Variants in SPOP observed in about 807,000 individuals in gnomAD.
SPOP encodes speckle type BTB/POZ protein, also known as speckle-type POZ protein.
SPOP carries 11 observed loss-of-function variants against 45.6 expected under a neutral mutation model. The ratio of observed to expected loss-of-function variants is 0.24; its 90% CI spans 0.15 to 0.40. SPOP has a LOEUF of 0.40. Among genes scored for constraint, SPOP ranks in the 10% least tolerant of loss-of-function variants. SPOP has a pLI of 1.00. For synonymous variants in SPOP, 166 were observed against 166.3 expected, an observed-to-expected ratio of 1.00 and a Z score of 0.01; for missense variants, 152 against 465.6, an observed-to-expected ratio of 0.33 and a Z score of 6.20.
At chr17:49,657,521 C>G (rs1462534739) in intron 1 of SPOP, among the ~76,000 whole-genome samples, 1 of 151,284 alleles carries the variant, frequency 6.6e-6, no homozygotes, top group Non-Finnish European at 1.5e-5. Flanking sequence ...GCCTCGGCCT[C>G]TCGAGTAGCT....
chr17:49,637,896 C>T (rs2072572561), intron 1 of SPOP, among the ~76,000 whole-genome samples: 1 of 152,226 alleles, frequency 6.6e-6, no homozygotes, highest in African/African-American at 2.4e-5. Context: ...GAGACAGGGT[C>T]TCACTATGCT....
chr17:49,634,603 A>G (rs1228671789), intron 1 of SPOP, among the ~76,000 whole-genome samples: 2 of 152,216 alleles, frequency 1.3e-5, no homozygotes, highest in Non-Finnish European at 2.9e-5. Flanking sequence ...CTATTTAAGC[A>G]TGTCCAATCT....
At chr17:49,635,043 G>T (rs185232997) in intron 1 of SPOP, among the ~76,000 whole-genome samples, 4 of 152,264 alleles carry the variant, frequency 2.6e-5, no homozygotes, top group African/African-American at 9.6e-5. Context: ...GGAGGTATAT[G>T]TATGTTTTTA....
At chr17:49,612,227 C>G (rs1010116562) in intron 5 of SPOP, among the ~76,000 whole-genome samples, 1 of 152,126 alleles carries the variant, frequency 6.6e-6, no homozygotes, top group African/African-American at 2.4e-5. Flanking sequence ...TTAGTTAGGT[C>G]GAGAACATGC....
chr17:49,654,385 C>T (rs2072880373), intron 1 of SPOP, among the ~76,000 whole-genome samples: 1 of 152,234 alleles, frequency 6.6e-6, no homozygotes, highest in Non-Finnish European at 1.5e-5. Flanking sequence ...GCTGCCACCA[C>T]AGCCAACTAA....
intron 1 of SPOP, among the ~76,000 whole-genome samples, chr17:49,677,618 T>C (rs1452075137): frequency 2.0e-5 from 3 of 149,600 alleles, no homozygotes; most frequent in East Asian, 2.0e-4. Context: ...CACTCGCGCA[T>C]GCGCAGTCAC....
chr17:49,624,388 G>A (rs1325962713), intron 1 of SPOP, among the ~76,000 whole-genome samples: 1 of 151,514 alleles, frequency 6.6e-6, no homozygotes, highest in African/African-American at 2.4e-5. Context: ...TAATGGATAT[G>A]TTAATTGGTT....
chr17:49,654,531 C>CAGT (rs1567797656), intron 1 of SPOP, among the ~76,000 whole-genome samples: 1 of 152,040 alleles, frequency 6.6e-6, no homozygotes, highest in African/African-American at 2.4e-5. Flanking sequence ...TTTAAAGAGA[C>CAGT]AGTAGCACTT....
Position 49,619,179 on chromosome 17 carries a change from G to A in SPOP, c.352+55C>T, listed in dbSNP as rs2143267346. ...CAGATCAAAGCCACAACTTGTCAGT[G>A]TATGAAACTTCTGGATGTGAAACTT... On this transcript the variant is annotated intron_variant, in intron 4 of 9. Transcript: ENST00000504102. This position sits in a 1 kb window ranked among gnomAD's most constrained non-coding sequence, Gnocchi z 4.9. The A allele has an allele frequency of 6.2e-7, 1 of 1,613,798 alleles. No homozygotes were observed.
intron 8 of SPOP, among the ~76,000 whole-genome samples, chr17:49,604,841 T>C (rs948335341): frequency 5.3e-5 from 8 of 152,206 alleles, no homozygotes; most frequent in African/African-American, 1.9e-4. Flanking sequence ...CGTTTCCCAA[T>C]GTGCGTTTTG....
chr17:49,672,301 T>C (rs2073146154), intron 1 of SPOP, among the ~76,000 whole-genome samples: 1 of 152,216 alleles, frequency 6.6e-6, no homozygotes, highest in South Asian at 2.1e-4. Context: ...AGGTGAAATG[T>C]TGCTGGAGAA....
At chr17:49,664,779 T>A (rs184555269) in intron 1 of SPOP, among the ~76,000 whole-genome samples, 155 of 152,312 alleles carry the variant, frequency 1.0e-3, no homozygotes, top group African/African-American at 3.5e-3. Flanking sequence ...CCCCCAGGAA[T>A]CTGAATTATG....
At chr17:49,659,760 C>A (rs576256220) in intron 1 of SPOP, among the ~76,000 whole-genome samples, 1 of 152,152 alleles carries the variant, frequency 6.6e-6, no homozygotes, top group African/African-American at 2.4e-5. Context: ...TTATACTTAG[C>A]CTCATTCGCA....
chr17:49,632,030 CT>C (rs1215916804), intron 1 of SPOP, among the ~76,000 whole-genome samples: 2 of 152,164 alleles, frequency 1.3e-5, no homozygotes, highest in African/African-American at 4.8e-5. Context: ...TAGTATCCCC[CT>C]GTGCCTAGAA....
At position 49,600,779 on chromosome 17, in the gene SPOP, C is replaced by T. The variant is rs1293645956; in HGVS notation, c.981-257G>A. 2.2e-6 allele frequency: 1 copy of T among 460,884 alleles called. No individual in the cohort carries two copies. The highest frequency in any genetic ancestry group is 2.0e-5 in the African/African-American group (1 of 51,076). 28.5% of individuals were successfully genotyped at this position (460,884 alleles called of 1,614,324 possible). Reference sequence around the variant, plus strand: ...AACAAAAAGCAGAATGTTCCCCAGGCCCCCAACACTGCCTATGTTCCTTAT... The same window carrying T: ...AACAAAAAGCAGAATGTTCCCCAGGTCCCCAACACTGCCTATGTTCCTTAT... On this transcript the variant is annotated intron_variant, in intron 9 of 9. Coordinates refer to ENST00000504102, the MANE Select transcript of SPOP (RefSeq NM_001007228.2). The surrounding 1 kb of genome is among the most constrained non-coding windows in gnomAD (Gnocchi z 4.2).
At chr17:49,624,319 A>ACACG (rs1555575615) in intron 1 of SPOP, among the ~76,000 whole-genome samples, 2 of 118,698 alleles carry the variant, frequency 1.7e-5, no homozygotes, top group South Asian at 5.8e-4. Flanking sequence ...ACACACACAC[A>ACACG]CGCGCGCGCG....
intron 6 of SPOP, among the ~76,000 whole-genome samples, chr17:49,610,034 C>T (rs550198323): frequency 3.6e-4 from 55 of 152,160 alleles, no homozygotes; most frequent in Admixed American, 3.3e-3. Flanking sequence ...GCCTCCTTTT[C>T]TCTTGGAGGA....
chr17:49,609,853 T>C (rs775952188), intron 6 of SPOP, among the ~76,000 whole-genome samples: 9 of 151,258 alleles, frequency 6.0e-5, no homozygotes, highest in Non-Finnish European at 1.0e-4. Flanking sequence ...GTGAAGATAC[T>C]AGATAGATAG....
intron 1 of SPOP, among the ~76,000 whole-genome samples, chr17:49,662,644 G>A (rs187554509): frequency 8.5e-4 from 128 of 151,078 alleles, no homozygotes; most frequent in Non-Finnish European, 1.0e-3. Flanking sequence ...CCAAGATTGC[G>A]CCACTGCACT....
Sources: allele counts gnomAD v4.1 joint callset (sites outside exome capture counted in the v4.1 genomes callset), GRCh38; gene constraint gnomAD v4.1.1; non-coding constraint Gnocchi (gnomAD v3.1); transcripts MANE v1.5; gene names NCBI Gene and HGNC (gene_info 2026-07-23, HGNC 2026-07-21).